Variants in TENM2 observed in about 807,000 individuals in gnomAD.
The protein encoded by TENM2 is teneurin-2.
In TENM2, 52 loss-of-function variants were observed where a neutral mutation model predicts 245.2. That is an observed-to-expected ratio of 0.21 (90% CI 0.17 to 0.27). TENM2 has a LOEUF of 0.27. Among genes scored for constraint, TENM2 ranks in the 10% least tolerant of loss-of-function variants. The probability of loss-of-function intolerance (pLI) is 1.00; values close to 1 mark genes in which losing one functional copy is unlikely to be tolerated. For missense variants in TENM2, 3,046 were observed against 3,666.8 expected (o/e 0.83, Z 4.37); for synonymous variants, 1,363 against 1,438.9 (o/e 0.95, Z 1.19).
At chr5:167,502,518 A>G (rs754327451) in intron 2 of TENM2, among the ~76,000 whole-genome samples, 18 of 152,324 alleles carry the variant, frequency 1.2e-4, no homozygotes, top group Middle Eastern at 3.4e-3. Context: ...GGTAAACAAT[A>G]TAGAAAAGCT....
chr5:167,828,044 A>G (rs1488093754), intron 2 of TENM2, among the ~76,000 whole-genome samples: 7 of 152,180 alleles, frequency 4.6e-5, no homozygotes, highest in African/African-American at 1.7e-4. Context: ...TCTACATGAC[A>G]TTTATTTTGC....
intron 27 of TENM2, among the ~76,000 whole-genome samples, chr5:168,252,521 C>G (rs991542435): frequency 1.3e-5 from 2 of 151,824 alleles, no homozygotes; most frequent in Non-Finnish European, 2.9e-5. Flanking sequence ...CCAGTTCTCT[C>G]TCATATTAGA....
chr5:167,042,783 C>G, the TENM2 span, among the ~76,000 whole-genome samples: 3 of 152,166 alleles, frequency 2.0e-5, no homozygotes, highest in Non-Finnish European at 4.4e-5. Context: ...TTATTTACAA[C>G]AAATAGGATT....
rs544309409 is a variant in TENM2, at chr5:167,770,757, G to A, written c.503-105229G>A. Among the ~76,000 whole-genome samples, 3 of 152,216 alleles carry A rather than the reference G, an allele frequency of 2.0e-5. No homozygotes were observed. In the South Asian group the frequency reaches 6.2e-4, roughly 32 times the overall value. On this transcript the variant is annotated intron_variant, in intron 2 of 28. Transcript: ENST00000518659. ...TTCATTAAAAAGAAATCTAACTTCT[G>A]GAAGAGTAAACGGGATACAACACAG...
At chr5:168,183,962 T>TGCTGGGCACCC (rs1760164044) in intron 13 of TENM2, among the ~76,000 whole-genome samples, 1 of 152,084 alleles carries the variant, frequency 6.6e-6, no homozygotes, top group African/African-American at 2.4e-5. Flanking sequence ...CTCCTTTGGG[T>TGCTGGGCACCC]ATAATCATCA....
chr5:168,099,298 G>C (rs538973417), intron 9 of TENM2, among the ~76,000 whole-genome samples: 1 of 152,114 alleles, frequency 6.6e-6, no homozygotes, highest in East Asian at 1.9e-4. Flanking sequence ...TAGTGAAGGG[G>C]CAGTTGAGTG....
At chr5:167,205,019 G>A in the TENM2 span, among the ~76,000 whole-genome samples, 1 of 152,184 alleles carries the variant, frequency 6.6e-6, no homozygotes. Flanking sequence ...CACTGGTTTA[G>A]TGTGATCATT....
At chr5:167,756,807 A>G (rs1165364279) in intron 2 of TENM2, among the ~76,000 whole-genome samples, 1 of 152,118 alleles carries the variant, frequency 6.6e-6, no homozygotes, top group Non-Finnish European at 1.5e-5. Flanking sequence ...ATCCAGGGAG[A>G]CAAAGTCACC....
intron 1 of TENM2, among the ~76,000 whole-genome samples, chr5:167,293,368 AT>A (rs199972172): frequency 0.022 from 2,842 of 130,462 alleles, 48 homozygotes; most frequent in African/African-American, 0.066. Context: ...TGTCCGGCTA[AT>A]TTTTTTTTTT....
At chr5:167,435,142 C>A (rs992808114) in intron 2 of TENM2, among the ~76,000 whole-genome samples, 1 of 147,094 alleles carries the variant, frequency 6.8e-6, no homozygotes, top group African/African-American at 2.6e-5. Flanking sequence ...TACATCTTAT[C>A]AGTAGTTTCA....
rs557475881 is a variant in TENM2 at position 167,303,734 on chromosome 5, G to A, written c.226+18671G>A. 1.3e-3 allele frequency among the ~76,000 whole-genome samples: 205 copies of A among 152,154 alleles called. 1 individual carries two copies. Among genetic ancestry groups the A allele is most frequent in the Non-Finnish European group, 1.5e-3 (99 of 68,040 alleles). ...ATGTATCGAGACTATGAATAGCTAA[G>A]TAAAGGTGAAAAGTCCCATACTCAC... On this transcript the variant is annotated intron_variant, in intron 1 of 28. Transcript: ENST00000518659.
At chr5:167,352,114 A>G (rs548297844) in intron 1 of TENM2, among the ~76,000 whole-genome samples, 1 of 152,278 alleles carries the variant, frequency 6.6e-6, no homozygotes, top group Admixed American at 6.5e-5. Flanking sequence ...ATCACATAAA[A>G]TCTAGATTTT....
At chr5:167,425,083 G>T (rs1763733153) in intron 2 of TENM2, among the ~76,000 whole-genome samples, 1 of 152,128 alleles carries the variant, frequency 6.6e-6, no homozygotes, top group Admixed American at 6.5e-5. Context: ...TTATATGTTT[G>T]GTTATAGTAC....
At chr5:168,107,531 A>G (rs1794344030) in intron 9 of TENM2, among the ~76,000 whole-genome samples, 1 of 142,274 alleles carries the variant, frequency 7.0e-6, no homozygotes, top group Non-Finnish European at 1.5e-5. Context: ...GCAGCTCAGG[A>G]AGACCCCTTT....
At chr5:167,363,106 A>AT (rs1759814050) in intron 1 of TENM2, among the ~76,000 whole-genome samples, 1 of 152,232 alleles carries the variant, frequency 6.6e-6, no homozygotes, top group Admixed American at 6.5e-5. Flanking sequence ...ATCCAGGCAG[A>AT]TTTAAAACAA....
chr5:167,124,637 C>T, the TENM2 span, among the ~76,000 whole-genome samples: 2 of 152,046 alleles, frequency 1.3e-5, no homozygotes, highest in Admixed American at 1.3e-4. Flanking sequence ...ATAAAGAGAG[C>T]TCTGTGCTAG....
chr5:167,534,947 T>C (rs529577424), intron 2 of TENM2, among the ~76,000 whole-genome samples: 48 of 152,178 alleles, frequency 3.2e-4, no homozygotes, highest in Admixed American at 2.9e-3. Flanking sequence ...TGTTTTTCTA[T>C]CTTTGTCAGT....
At chr5:168,234,987 A>T (rs1405442851) in intron 25 of TENM2, among the ~76,000 whole-genome samples, 1 of 152,170 alleles carries the variant, frequency 6.6e-6, no homozygotes, top group African/African-American at 2.4e-5. Flanking sequence ...GGCATGTGTT[A>T]CTTTTACTTA....
intron 2 of TENM2, among the ~76,000 whole-genome samples, chr5:167,439,943 T>C (rs1194979259): frequency 6.6e-6 from 1 of 152,230 alleles, no homozygotes; most frequent in Non-Finnish European, 1.5e-5. Context: ...CAAATTTAGT[T>C]ATATAATAAA....
Sources: allele counts gnomAD v4.1 joint callset (sites outside exome capture counted in the v4.1 genomes callset), GRCh38; gene constraint gnomAD v4.1.1; transcripts MANE v1.5; gene names NCBI Gene and HGNC (gene_info 2026-07-23, HGNC 2026-07-21).